Variants in PPARGC1A observed in about 807,000 individuals in gnomAD.
The protein encoded by PPARGC1A is peroxisome proliferator-activated receptor gamma coactivator 1-alpha.
PPARGC1A carries 25 observed loss-of-function variants against 88.7 expected under a neutral mutation model. The observed-to-expected ratio is 0.28, with a 90% CI of 0.21 to 0.39. PPARGC1A has a LOEUF of 0.39. PPARGC1A is among the 10% of genes least tolerant of loss of function. The pLI is 1.00. For synonymous variants in PPARGC1A, 363 were observed against 355.6 expected (o/e 1.02, Z -0.24); for missense variants, 880 against 968.7 (o/e 0.91, Z 1.22).
intron 12 of PPARGC1A, among the ~76,000 whole-genome samples, chr4:23,797,833 T>C (rs1475280561): frequency 1.3e-5 from 2 of 152,182 alleles, no homozygotes; most frequent in Admixed American, 1.3e-4. Context: ...TAAGATATAA[T>C]AAAAATGTTA....
chr4:24,067,537 A>G, the PPARGC1A span, among the ~76,000 whole-genome samples: 2 of 152,228 alleles, frequency 1.3e-5, no homozygotes, highest in African/African-American at 2.4e-5. Flanking sequence ...AGAGCACAGA[A>G]CACGCAGATC....
chr4:23,969,250 A>G, the PPARGC1A span, among the ~76,000 whole-genome samples: 1 of 152,174 alleles, frequency 6.6e-6, no homozygotes, highest in Non-Finnish European at 1.5e-5. Context: ...GCTAAAATTT[A>G]TTGAGGGCTT....
the PPARGC1A span, among the ~76,000 whole-genome samples, chr4:23,951,305 C>A: frequency 3.3e-5 from 5 of 152,076 alleles, no homozygotes; most frequent in Admixed American, 6.6e-5. Flanking sequence ...GCAGAGGGAA[C>A]AGCACAAACA....
chr4:24,122,962 A>G, the PPARGC1A span, among the ~76,000 whole-genome samples: 643 of 152,198 alleles, frequency 4.2e-3, 13 homozygotes, highest in East Asian at 0.07. Flanking sequence ...GAATTGGCTC[A>G]TCCTCCCTTC....
the PPARGC1A span, among the ~76,000 whole-genome samples, chr4:24,349,685 A>T: frequency 6.6e-6 from 1 of 152,134 alleles, no homozygotes; most frequent in Admixed American, 6.5e-5. Context: ...GTTTCCAGGT[A>T]GAGGGCAAGA....
chr4:24,163,344 CT>C, the PPARGC1A span, among the ~76,000 whole-genome samples: 1 of 151,990 alleles, frequency 6.6e-6, no homozygotes, highest in Non-Finnish European at 1.5e-5. Context: ...TTTCGTACCA[CT>C]GCTGAATGTC....
chr4:24,309,375 A>T, the PPARGC1A span, among the ~76,000 whole-genome samples: 1 of 152,152 alleles, frequency 6.6e-6, no homozygotes, highest in Non-Finnish European at 1.5e-5. Flanking sequence ...TGGAAGTGAG[A>T]AAGATTGGAA....
chr4:24,317,592 A>C, the PPARGC1A span, among the ~76,000 whole-genome samples: 3 of 142,350 alleles, frequency 2.1e-5, no homozygotes, highest in Non-Finnish European at 4.6e-5. Context: ...AAAAAAAAAA[A>C]AAAACACCAC....
At chr4:23,893,179 G>GA (rs11351780), upstream of PPARGC1A, among the ~76,000 whole-genome samples, 4 of 149,506 alleles carry the variant, frequency 2.7e-5, no homozygotes, top group Non-Finnish European at 1.5e-5. Context: ...CTAACAAAGA[G>GA]AAAAAAAAAA....
At chr4:24,337,487 T>A in the PPARGC1A span, among the ~76,000 whole-genome samples, 1 of 152,066 alleles carries the variant, frequency 6.6e-6, no homozygotes. Flanking sequence ...ATAAGTCTGG[T>A]GGGGCGACCA....
the PPARGC1A span, among the ~76,000 whole-genome samples, chr4:24,282,010 G>C: frequency 7.9e-5 from 12 of 152,144 alleles, no homozygotes; most frequent in Non-Finnish European, 1.3e-4. Flanking sequence ...TCTGATTCCA[G>C]AATCTATGCT....
the PPARGC1A span, among the ~76,000 whole-genome samples, chr4:23,992,545 A>C: frequency 6.6e-6 from 1 of 151,998 alleles, no homozygotes; most frequent in African/African-American, 2.4e-5. Flanking sequence ...AAAAACAGCC[A>C]AGTTGGGATT....
At chr4:24,285,427 T>TA in the PPARGC1A span, among the ~76,000 whole-genome samples, 350 of 151,922 alleles carry the variant, frequency 2.3e-3, 1 homozygote, top group Middle Eastern at 0.024. Context: ...AAGGGGGCTG[T>TA]AAAAAAACAG....
the PPARGC1A span, among the ~76,000 whole-genome samples, chr4:24,276,761 C>T: frequency 6.6e-6 from 1 of 152,146 alleles, no homozygotes; most frequent in Non-Finnish European, 1.5e-5. Flanking sequence ...CAGATGATGT[C>T]TTGTTAGATA....
At chr4:24,061,261 G>C in the PPARGC1A span, among the ~76,000 whole-genome samples, 1 of 152,134 alleles carries the variant, frequency 6.6e-6, no homozygotes, top group East Asian at 1.9e-4. Flanking sequence ...TTGGATTCAC[G>C]GTGCCGAAGA....
chr4:24,318,338 C>T, the PPARGC1A span, among the ~76,000 whole-genome samples: 1 of 152,188 alleles, frequency 6.6e-6, no homozygotes, highest in Non-Finnish European at 1.5e-5. Flanking sequence ...TCTAAGGTCT[C>T]TGAGACCATC....
the PPARGC1A span, among the ~76,000 whole-genome samples, chr4:24,127,342 A>G: frequency 6.6e-6 from 1 of 152,170 alleles, no homozygotes. Context: ...GGGTGGGGGA[A>G]CCATAGCCTT....
the PPARGC1A span, among the ~76,000 whole-genome samples, chr4:24,436,818 C>T: frequency 2.1e-4 from 32 of 149,344 alleles, no homozygotes; most frequent in Middle Eastern, 3.5e-3. Context: ...CCCCAGAGCC[C>T]GGGTCACAGA....
At chr4:23,958,796 T>C in the PPARGC1A span, among the ~76,000 whole-genome samples, 15 of 152,078 alleles carry the variant, frequency 9.9e-5, no homozygotes, top group Non-Finnish European at 2.2e-4. Flanking sequence ...GGAATAAAAA[T>C]AGATTGACAT....
Sources: gnomAD v4.1 joint callset for allele counts (sites outside exome capture counted in the v4.1 genomes callset) on GRCh38, gnomAD v4.1.1 for gene constraint, MANE v1.5 for transcripts, NCBI Gene and HGNC (gene_info 2026-07-23, HGNC 2026-07-21) for gene names.